RCAN2: variants seen among roughly 807,000 people sequenced by gnomAD.
The protein encoded by RCAN2 is regulator of calcineurin 2.
A neutral mutation model predicts 23.6 loss-of-function variants in RCAN2; 9 were observed. The observed-to-expected ratio is 0.38, with a 90% CI of 0.23 to 0.67. The LOEUF is 0.67. RCAN2 is among the 30% of genes least tolerant of loss of function. The probability of loss-of-function intolerance (pLI) is 0.51; values close to 1 mark genes in which losing one functional copy is unlikely to be tolerated. For synonymous variants in RCAN2, 109 were observed against 115.7 expected (o/e 0.94, Z 0.37); for missense variants, 273 against 302.3 (o/e 0.90, Z 0.72).
chr6:46,307,213 C>A (rs1268708502), intron 2 of RCAN2, among the ~76,000 whole-genome samples: 1 of 152,158 alleles, frequency 6.6e-6, no homozygotes, highest in Non-Finnish European at 1.5e-5. Context: ...AAGACAGGGT[C>A]TCTGCCTGCA....
At chr6:46,469,697 G>A (rs1313442000) in intron 1 of RCAN2, among the ~76,000 whole-genome samples, 1 of 152,208 alleles carries the variant, frequency 6.6e-6, no homozygotes, top group African/African-American at 2.4e-5. Context: ...CTGGTGGAAT[G>A]CTTGTGCTAT....
rs552536426 is a variant in RCAN2 at position 46,272,583 on chromosome 6, C to T, written c.226-23687G>A. On this transcript the variant is annotated intron_variant, in intron 2 of 4. Coordinates refer to ENST00000371374, the MANE Select transcript of RCAN2 (RefSeq NM_001251974.2). ...TATGTATATTAAATGTCACACAATA[C>T]ATAAAACAAAACAATTGGAAAAAGA... Among the ~76,000 whole-genome samples, 8 of 152,228 alleles carry T rather than the reference C, an allele frequency of 5.3e-5. No homozygotes were observed. The South Asian group carries it at 6.2e-4, about 12-fold the overall frequency.
intron 4 of RCAN2, among the ~76,000 whole-genome samples, chr6:46,244,906 G>A (rs973579477): frequency 6.6e-6 from 1 of 152,216 alleles, no homozygotes; most frequent in African/African-American, 2.4e-5. Context: ...GCAGCTTCAA[G>A]GACCTTGGCT....
chr6:46,396,909 G>A (rs1166685069), intron 2 of RCAN2, among the ~76,000 whole-genome samples: 1 of 151,954 alleles, frequency 6.6e-6, no homozygotes, highest in Middle Eastern at 3.2e-3. Flanking sequence ...GTCGGAGTTC[G>A]AGACCAGCCT....
intron 3 of RCAN2, among the ~76,000 whole-genome samples, chr6:46,247,512 C>T (rs375078001): frequency 2.0e-4 from 30 of 152,342 alleles, no homozygotes; most frequent in African/African-American, 7.0e-4. Flanking sequence ...CCATTCCTGT[C>T]TCCCACTGGT....
chr6:46,240,197 G>GCA (rs1355616693), intron 4 of RCAN2, among the ~76,000 whole-genome samples: 1 of 152,008 alleles, frequency 6.6e-6, no homozygotes, highest in African/African-American at 2.4e-5. Context: ...ACACACAAAT[G>GCA]CACACACACA....
intron 2 of RCAN2, among the ~76,000 whole-genome samples, chr6:46,405,410 A>T (rs547654053): frequency 2.0e-5 from 3 of 152,270 alleles, no homozygotes; most frequent in East Asian, 3.9e-4. Context: ...CTCCACCCAC[A>T]TCCTGCTGAT....
At chr6:46,478,652 C>T (rs539707108) in intron 1 of RCAN2, among the ~76,000 whole-genome samples, 4 of 152,248 alleles carry the variant, frequency 2.6e-5, no homozygotes, top group African/African-American at 4.8e-5. Flanking sequence ...ACTGGAAATT[C>T]GTCATAAGCA....
rs192050299 is a variant in RCAN2, at chr6:46,296,977, C to A, written c.226-48081G>T. ...TTTCCATTATACCCAGACACATCCACCAAAAATACTCGAAATTACTTCTTC... is the reference window on the plus strand; with the variant it reads ...TTTCCATTATACCCAGACACATCCAACAAAAATACTCGAAATTACTTCTTC... On this transcript the variant is annotated intron_variant, in intron 2 of 4. Transcript: ENST00000371374. Among the ~76,000 whole-genome samples, 20 of 152,250 alleles carry A rather than the reference C, an allele frequency of 1.3e-4. No individual in the cohort carries two copies. The East Asian group carries it at 2.1e-3, about 16-fold the overall frequency.
At chr6:46,419,053 G>C (rs114090427) in intron 2 of RCAN2, among the ~76,000 whole-genome samples, 1 of 152,020 alleles carries the variant, frequency 6.6e-6, no homozygotes, top group Non-Finnish European at 1.5e-5. Flanking sequence ...ACATAATTTG[G>C]CTACAATCTG....
chr6:46,408,351 C>A (rs1053196451), intron 2 of RCAN2, among the ~76,000 whole-genome samples: 2 of 152,168 alleles, frequency 1.3e-5, no homozygotes, highest in East Asian at 1.9e-4. Context: ...GCTGGCGAGT[C>A]GCTCACACAG....
intron 2 of RCAN2, among the ~76,000 whole-genome samples, chr6:46,351,788 C>T (rs182158694): frequency 1.3e-5 from 2 of 152,234 alleles, no homozygotes; most frequent in Admixed American, 1.3e-4. Flanking sequence ...ATTTTTATGA[C>T]CATGGTGTGG....
intron 1 of RCAN2, among the ~76,000 whole-genome samples, chr6:46,489,369 G>A (rs916058448): frequency 2.0e-5 from 3 of 152,158 alleles, no homozygotes; most frequent in African/African-American, 7.2e-5. Context: ...GGGAGGCATG[G>A]GCCTCATTCT....
intron 2 of RCAN2, among the ~76,000 whole-genome samples, chr6:46,422,089 G>T (rs1766902194): frequency 6.6e-6 from 1 of 152,116 alleles, no homozygotes; most frequent in African/African-American, 2.4e-5. Context: ...GTTGGAGGTG[G>T]GGCTTAATGG....
At chr6:46,228,221 C>T (rs1326925100) in intron 4 of RCAN2, among the ~76,000 whole-genome samples, 2 of 152,066 alleles carry the variant, frequency 1.3e-5, no homozygotes, top group Non-Finnish European at 2.9e-5. Flanking sequence ...AGAATAAGTG[C>T]AATGTGGTGC....
chr6:46,225,077 C>T (rs1374102620), intron 4 of RCAN2, among the ~76,000 whole-genome samples: 1 of 152,130 alleles, frequency 6.6e-6, no homozygotes, highest in Non-Finnish European at 1.5e-5. Flanking sequence ...ATGATGGTTT[C>T]CAGCTTCATC....
At chr6:46,430,854 T>A (rs1165346041) in intron 2 of RCAN2, among the ~76,000 whole-genome samples, 1 of 152,066 alleles carries the variant, frequency 6.6e-6, no homozygotes, top group Non-Finnish European at 1.5e-5. Context: ...GTTCTAAGAG[T>A]TATTAAAAAT....
At chr6:46,242,179 T>A (rs1234647494) in intron 4 of RCAN2, among the ~76,000 whole-genome samples, 1 of 152,214 alleles carries the variant, frequency 6.6e-6, no homozygotes, top group Non-Finnish European at 1.5e-5. Flanking sequence ...ATGGTTCCAT[T>A]ATAACTGCAC....
intron 2 of RCAN2, among the ~76,000 whole-genome samples, chr6:46,397,687 T>C (rs1297443029): frequency 6.6e-6 from 1 of 152,158 alleles, no homozygotes; most frequent in Admixed American, 6.5e-5. Context: ...AAATGCCCTA[T>C]AATATTAAAC....
Sources: gnomAD v4.1 joint callset for allele counts (sites outside exome capture counted in the v4.1 genomes callset) on GRCh38, gnomAD v4.1.1 for gene constraint, MANE v1.5 for transcripts, NCBI Gene and HGNC (gene_info 2026-07-23, HGNC 2026-07-21) for gene names.